The following RFTN1 variants were observed in gnomAD, a reference collection of about 807,000 sequenced individuals.
RFTN1 encodes the protein raftlin, lipid raft linker 1.
In RFTN1, 26 loss-of-function variants were observed where a neutral mutation model predicts 46.5. That is an observed-to-expected ratio of 0.56 (90% CI 0.41 to 0.78). The LOEUF is 0.78. RFTN1 is among the 30% of genes least tolerant of loss of function. The pLI is 0.00. For synonymous variants in RFTN1, 261 were observed against 284.2 expected (o/e 0.92, Z 0.82); for missense variants, 693 against 718.7 (o/e 0.96, Z 0.41).
intron 4 of RFTN1, among the ~76,000 whole-genome samples, chr3:16,403,884 A>G (rs866933079): frequency 0.26 from 1,653 of 6,300 alleles, 495 homozygotes; most frequent in South Asian, 0.34. Flanking sequence ...TTATATATAT[A>G]TATAATATAT....
Position 16,490,584 on chromosome 3 carries a change from G to T in RFTN1, c.145+3141C>A, listed in dbSNP as rs187424437. Reference sequence around the variant, plus strand: ...TCAGATGTGTGTTTTACACAAGCAGGTCCTATCTACAGGGCAACTGGGCAA... The same window carrying T: ...TCAGATGTGTGTTTTACACAAGCAGTTCCTATCTACAGGGCAACTGGGCAA... On this transcript the variant is annotated intron_variant, in intron 2 of 9. Coordinates refer to ENST00000334133, the MANE Select transcript of RFTN1 (RefSeq NM_015150.2). Among the ~76,000 whole-genome samples, 169 of 152,334 alleles carry T rather than the reference G, an allele frequency of 1.1e-3. 1 individual carries two copies. The highest frequency in any genetic ancestry group is 3.6e-3 in the Admixed American group (55 of 15,306).
At chr3:16,416,866 AT>A (rs1559336313) in intron 3 of RFTN1, among the ~76,000 whole-genome samples, 4 of 152,132 alleles carry the variant, frequency 2.6e-5, no homozygotes, top group Non-Finnish European at 4.4e-5. Context: ...ACTTTTAAAA[AT>A]TTTTTTATTA....
rs1009383194 is a variant in RFTN1, at chr3:16,329,906, G to A, written c.1147-3030C>T. Among the ~76,000 whole-genome samples, 8 of 152,048 alleles carry A rather than the reference G, an allele frequency of 5.3e-5. No individual in the cohort carries two copies. The highest frequency in any genetic ancestry group is 2.0e-4 in the Admixed American group (3 of 15,270). On this transcript the variant is annotated intron_variant, in intron 7 of 9. Transcript: ENST00000334133. The surrounding 1 kb of genome is among the most constrained non-coding windows in gnomAD (Gnocchi z 4.5). Reference sequence around the variant, plus strand: ...GCATCTCGGGCCAGGTTTTCTCTGCGGGCACCCAGAGCTGCGAGACAATGA... The same window carrying A: ...GCATCTCGGGCCAGGTTTTCTCTGCAGGCACCCAGAGCTGCGAGACAATGA...
In RFTN1 at chr3:16,465,859, A is replaced by C. The variant is rs2076081945; in HGVS notation, c.145+27866T>G. ...TAAGGTAGAGAAAGACTAATTCATA[A>C]AAGTAAGGGAGTCATGCCCTTAAAA... On this transcript the variant is annotated intron_variant, in intron 2 of 9. Transcript: ENST00000334133. This position sits in a 1 kb window ranked among gnomAD's most constrained non-coding sequence, Gnocchi z 5.1. Among the ~76,000 whole-genome samples, 1 of 152,312 alleles carries C rather than the reference A, an allele frequency of 6.6e-6. No homozygotes were observed. The highest frequency in any genetic ancestry group is 6.5e-5 in the Admixed American group (1 of 15,292).
Position 16,425,768 on chromosome 3 carries a change from C to G in RFTN1, c.332+8083G>C, listed in dbSNP as rs986940925. On this transcript the variant is annotated intron_variant, in intron 3 of 9. Coordinates refer to ENST00000334133, the MANE Select transcript of RFTN1 (RefSeq NM_015150.2). The surrounding 1 kb of genome is among the most constrained non-coding windows in gnomAD (Gnocchi z 4.3). Reference sequence around the variant, plus strand: ...GGTGAATCCTGAAACTTCAACACACCAGAAAAGGGTGTCACTCCAGAGTGA... The same window carrying G: ...GGTGAATCCTGAAACTTCAACACACGAGAAAAGGGTGTCACTCCAGAGTGA... 2.6e-5 allele frequency among the ~76,000 whole-genome samples: 4 copies of G among 151,872 alleles called. No individual in the cohort carries two copies. Among genetic ancestry groups the G allele is most frequent in the Non-Finnish European group, 5.9e-5 (4 of 67,966 alleles).
chr3:16,416,163 T>C (rs191689435), intron 3 of RFTN1: 54 of 455,982 alleles, frequency 1.2e-4, no homozygotes, highest in African/African-American at 9.2e-4. Flanking sequence ...AAAGGAATTT[T>C]CTGAAAGGAG....
At chr3:16,391,882 GTTTTTTTTTTTGTT>G (rs2074356109) in intron 4 of RFTN1, among the ~76,000 whole-genome samples, 1 of 23,448 alleles carries the variant, frequency 4.3e-5, no homozygotes, top group East Asian at 1.2e-3. Context: ...TTTTTTTTTT[GTTTTTTTTTTTGTT>G]TTTTTTACGG....
At position 16,346,928 on chromosome 3, in the gene RFTN1, C is replaced by T. The variant is rs1182017677; in HGVS notation, c.1146+11004G>A. Among the ~76,000 whole-genome samples the T allele has an allele frequency of 6.6e-6, 1 of 152,122 alleles. No homozygotes were observed. Among genetic ancestry groups the T allele is most frequent in the African/African-American group, 2.4e-5 (1 of 41,418 alleles). On this transcript the variant is annotated intron_variant, in intron 7 of 9. Coordinates refer to ENST00000334133, the MANE Select transcript of RFTN1 (RefSeq NM_015150.2). This position sits in a 1 kb window ranked among gnomAD's most constrained non-coding sequence, Gnocchi z 4.4. ...TGACAAAGCTGACTCTGCAACCTCCCCACCTTGCTCTAGACTTCCTGCTCA... is the reference window on the plus strand; with the variant it reads ...TGACAAAGCTGACTCTGCAACCTCCTCACCTTGCTCTAGACTTCCTGCTCA...
At chr3:16,496,075 T>C (rs904943054) in intron 1 of RFTN1, among the ~76,000 whole-genome samples, 1 of 152,214 alleles carries the variant, frequency 6.6e-6, no homozygotes, top group Non-Finnish European at 1.5e-5. Context: ...AAAACCCACA[T>C]TAAAGAGTGA....
chr3:16,332,744 C>G (rs1278722719), intron 7 of RFTN1, among the ~76,000 whole-genome samples: 2 of 152,182 alleles, frequency 1.3e-5, no homozygotes, highest in East Asian at 1.9e-4. Flanking sequence ...TTAGATTCCT[C>G]TATCTACTTT....
intron 2 of RFTN1, among the ~76,000 whole-genome samples, chr3:16,491,177 G>A (rs917833785): frequency 1.2e-4 from 19 of 152,084 alleles, no homozygotes; most frequent in African/African-American, 4.6e-4. Context: ...TTAAAGAGGT[G>A]GTCAAGGAAA....
At chr3:16,390,458 GAAAAAGC>G (rs2074317816) in intron 4 of RFTN1, among the ~76,000 whole-genome samples, 1 of 101,020 alleles carries the variant, frequency 9.9e-6, no homozygotes, top group Non-Finnish European at 2.4e-5. Context: ...CAAACTGCTG[GAAAAAGC>G]AGGTAGCCTT....
intron 6 of RFTN1, among the ~76,000 whole-genome samples, chr3:16,364,272 T>C (rs947442233): frequency 6.6e-5 from 10 of 152,378 alleles, no homozygotes; most frequent in Middle Eastern, 6.8e-3. Context: ...AGGCTTTTCA[T>C]TGAATCCTCC....
In RFTN1 at chr3:16,507,819, A is replaced by T. The variant is rs1392160894; in HGVS notation, c.-9+5623T>A. Among the ~76,000 whole-genome samples the T allele has an allele frequency of 7.7e-6, 1 of 130,408 alleles. No individual in the cohort carries two copies. Among genetic ancestry groups the T allele is most frequent in the African/African-American group, 2.9e-5 (1 of 34,814 alleles). 85.6% of individuals were successfully genotyped at this position (130,408 alleles called of 152,430 possible). ...AACACACACAAACGCACATACATAC[A>T]TACATACACACACACACACATACAC... On this transcript the variant is annotated intron_variant, in intron 1 of 9. Coordinates refer to ENST00000334133, the MANE Select transcript of RFTN1 (RefSeq NM_015150.2). This position sits in a 1 kb window ranked among gnomAD's most constrained non-coding sequence, Gnocchi z 7.1.
chr3:16,486,641 C>T (rs1204448077), intron 2 of RFTN1, among the ~76,000 whole-genome samples: 1 of 152,234 alleles, frequency 6.6e-6, no homozygotes, highest in African/African-American at 2.4e-5. Flanking sequence ...GATTTCAAGT[C>T]TTCCTTGACA....
chr3:16,316,286 C>T lies in RFTN1; in HGVS notation c.*542G>A, dbSNP rs750434630. 1 of 159,408 alleles carries T rather than the reference C, an allele frequency of 6.3e-6. No homozygotes were observed. The highest frequency in any genetic ancestry group is 1.4e-5 in the Non-Finnish European group (1 of 73,190). 9.9% of individuals were successfully genotyped at this position (159,408 alleles called of 1,614,324 possible). A position where few individuals can be genotyped will look rare whatever the true frequency, so the allele number is the denominator to read the frequency against. On this transcript the variant is annotated 3_prime_UTR_variant, in exon 10 of 10. Coordinates refer to ENST00000334133, the MANE Select transcript of RFTN1 (RefSeq NM_015150.2). The surrounding 1 kb of genome is among the most constrained non-coding windows in gnomAD (Gnocchi z 4.5). ...TTTTGAGAAAAGCTGGGAGGCGGAG[C>T]ACCTCCCCTCCCCAATGTCATTTTC... is the stretch of plus-strand genomic sequence containing the variant.
rs1441190913 is a variant in RFTN1, at chr3:16,322,731, A to G, written c.1332+645T>C. Among the ~76,000 whole-genome samples, 1 of 152,176 alleles carries G rather than the reference A, an allele frequency of 6.6e-6. No homozygotes were observed. The highest frequency in any genetic ancestry group is 1.9e-4 in the East Asian group (1 of 5,186). ...GCTCAACCTTCAGGAATCACAGAGA[A>G]GACTCTCTGAGAAGGCCAGTCTCTG... On this transcript the variant is annotated intron_variant, in intron 9 of 9. Coordinates refer to ENST00000334133, the MANE Select transcript of RFTN1 (RefSeq NM_015150.2). This position sits in a 1 kb window ranked among gnomAD's most constrained non-coding sequence, Gnocchi z 6.2.
chr3:16,420,171 T>G (rs938633538), intron 3 of RFTN1, among the ~76,000 whole-genome samples: 2 of 152,112 alleles, frequency 1.3e-5, no homozygotes, highest in African/African-American at 4.8e-5. Context: ...GCCTCGGTGC[T>G]CCCTGTCTAA....
intron 4 of RFTN1, among the ~76,000 whole-genome samples, chr3:16,388,821 G>C (rs1188841645): frequency 1.3e-5 from 2 of 152,156 alleles, no homozygotes; most frequent in Non-Finnish European, 2.9e-5. Context: ...AAAACAAAAA[G>C]ACAGTTTTTT....
Sources: gnomAD v4.1 joint callset for allele counts (sites outside exome capture counted in the v4.1 genomes callset) on GRCh38, gnomAD v4.1.1 for gene constraint, Gnocchi (gnomAD v3.1) non-coding constraint, MANE v1.5 for transcripts, NCBI Gene and HGNC (gene_info 2026-07-23, HGNC 2026-07-21) for gene names.